Variants in CTBP2 observed in about 807,000 individuals in gnomAD.
CTBP2 encodes C-terminal-binding protein 2.
CTBP2 carries 30 observed loss-of-function variants against 80.3 expected under a neutral mutation model. The observed-to-expected ratio is 0.37, with a 90% CI of 0.28 to 0.51. The LOEUF (loss-of-function observed/expected upper bound fraction) is 0.51. CTBP2 is among the 20% of genes least tolerant of loss of function. CTBP2 has a pLI of 0.93. For synonymous variants in CTBP2, 594 were observed against 587.4 expected (o/e 1.01, Z -0.16); for missense variants, 1,212 against 1,375.3 (o/e 0.88, Z 1.88).
At chr10:125,029,759 T>C (rs1399413734), upstream of CTBP2, among the ~76,000 whole-genome samples, 1 of 152,196 alleles carries the variant, frequency 6.6e-6, no homozygotes, top group Non-Finnish European at 1.5e-5. Flanking sequence ...GGTAGCTCTG[T>C]TGACTCACCA....
intron 1 of CTBP2, among the ~76,000 whole-genome samples, chr10:125,150,724 G>A (rs1480061268): frequency 2.0e-5 from 3 of 150,606 alleles, no homozygotes; most frequent in East Asian, 2.0e-4. Context: ...GCCTTTTCCC[G>A]GACATAGTGA....
intron 2 of CTBP2, among the ~76,000 whole-genome samples, chr10:125,082,737 G>A (rs1246752484): frequency 2.0e-5 from 3 of 151,936 alleles, no homozygotes; most frequent in East Asian, 1.9e-4. Context: ...ACAGGTGCAC[G>A]CCACCACACC....
intron 1 of CTBP2, among the ~76,000 whole-genome samples, chr10:125,023,967 G>A (rs1281207542): frequency 2.0e-5 from 3 of 152,300 alleles, no homozygotes; most frequent in East Asian, 1.9e-4. Flanking sequence ...GCACCAGAAC[G>A]AAGATGCGTT....
chr10:125,120,316 C>T (rs1854104444), intron 1 of CTBP2, among the ~76,000 whole-genome samples: 1 of 152,202 alleles, frequency 6.6e-6, no homozygotes, highest in Non-Finnish European at 1.5e-5. Context: ...GAAGTGAGAA[C>T]CAAATGGCTC....
intron 1 of CTBP2, among the ~76,000 whole-genome samples, chr10:125,113,076 G>A (rs573437563): frequency 1.3e-5 from 2 of 152,256 alleles, no homozygotes; most frequent in South Asian, 4.2e-4. Flanking sequence ...TGTACCCAAG[G>A]TCAAGTAGTA....
chr10:125,104,600 G>A (rs542136042), intron 2 of CTBP2, among the ~76,000 whole-genome samples: 1 of 152,230 alleles, frequency 6.6e-6, no homozygotes, highest in South Asian at 2.1e-4. Flanking sequence ...GAGGCTACTC[G>A]CATGTATTAC....
At chr10:125,006,580 A>G (rs1955270206) in intron 1 of CTBP2, among the ~76,000 whole-genome samples, 1 of 152,250 alleles carries the variant, frequency 6.6e-6, no homozygotes, top group Admixed American at 6.5e-5. Flanking sequence ...GGTTTCTGGA[A>G]GAGCTCATAT....
At chr10:125,098,538 G>A (rs1449279242) in intron 2 of CTBP2, among the ~76,000 whole-genome samples, 1 of 152,008 alleles carries the variant, frequency 6.6e-6, no homozygotes, top group Non-Finnish European at 1.5e-5. Flanking sequence ...GAGGATGGGG[G>A]TTTATGTCCA....
intron 1 of CTBP2, among the ~76,000 whole-genome samples, chr10:125,014,046 T>C (rs1443147346): frequency 1.3e-5 from 2 of 152,172 alleles, no homozygotes; most frequent in African/African-American, 4.8e-5. Flanking sequence ...CGGGTGTCTC[T>C]CTAGATCTTG....
intron 2 of CTBP2, among the ~76,000 whole-genome samples, chr10:125,043,002 A>AT (rs993448085): frequency 7.2e-5 from 11 of 152,192 alleles, no homozygotes; most frequent in African/African-American, 2.7e-4. Flanking sequence ...GAGGGCTGTG[A>AT]TCTAGGGCTG....
intron 1 of CTBP2, among the ~76,000 whole-genome samples, chr10:125,143,066 ACT>A (rs1335757228): frequency 3.9e-5 from 6 of 151,968 alleles, no homozygotes; most frequent in East Asian, 1.9e-4. Context: ...GAAATCCACC[ACT>A]GTTTTGCTGA....
At chr10:125,142,008 GAC>G (rs1857917815) in intron 1 of CTBP2, among the ~76,000 whole-genome samples, 2 of 152,326 alleles carry the variant, frequency 1.3e-5, no homozygotes, top group South Asian at 2.1e-4. Context: ...GGGCTGGTGG[GAC>G]ACAGTGTGGA....
chr10:125,049,041 C>CCACACACACACACACA (rs1364121384), intron 2 of CTBP2, among the ~76,000 whole-genome samples: 1 of 112,472 alleles, frequency 8.9e-6, no homozygotes, highest in Non-Finnish European at 1.9e-5. Context: ...GCCCGCCTGA[C>CCACACACACACACACA]CACAGACACA....
chr10:125,065,807 A>G (rs1415848005), intron 2 of CTBP2, among the ~76,000 whole-genome samples: 1 of 152,172 alleles, frequency 6.6e-6, no homozygotes, highest in East Asian at 1.9e-4. Context: ...TATCAGAAAA[A>G]TGCCATCATC....
intron 2 of CTBP2, among the ~76,000 whole-genome samples, chr10:125,103,640 C>CA (rs1564926388): frequency 1.3e-5 from 2 of 152,172 alleles, no homozygotes; most frequent in Non-Finnish European, 2.9e-5. Flanking sequence ...GCAGAAGAGA[C>CA]AAAGTGGCCT....
intron 2 of CTBP2, among the ~76,000 whole-genome samples, chr10:125,106,045 C>T (rs1380132871): frequency 6.6e-6 from 1 of 152,190 alleles, no homozygotes; most frequent in African/African-American, 2.4e-5. Context: ...GCCGCTGACC[C>T]GTGTCTCTGG....
intron 2 of CTBP2, among the ~76,000 whole-genome samples, chr10:125,072,997 G>A (rs1215748815): frequency 1.3e-5 from 2 of 152,178 alleles, no homozygotes; most frequent in African/African-American, 4.8e-5. Context: ...ATGACAGAAT[G>A]GCAAACAGCT....
chr10:125,086,935 G>C (rs911630339), intron 2 of CTBP2, among the ~76,000 whole-genome samples: 1 of 152,094 alleles, frequency 6.6e-6, no homozygotes, highest in African/African-American at 2.4e-5. Context: ...CGGATCCTGA[G>C]GAACAGTCCA....
intron 2 of CTBP2, among the ~76,000 whole-genome samples, chr10:125,093,126 C>G (rs2135711819): frequency 6.6e-6 from 1 of 152,368 alleles, no homozygotes; most frequent in South Asian, 2.1e-4. Flanking sequence ...GCTCAAGTAT[C>G]AGAAGCTGTT....
Sources: gnomAD v4.1 joint callset for allele counts (sites outside exome capture counted in the v4.1 genomes callset) on GRCh38, gnomAD v4.1.1 for gene constraint, MANE v1.5 for transcripts, NCBI Gene and HGNC (gene_info 2026-07-23, HGNC 2026-07-21) for gene names.